The following MYLK variants were observed in gnomAD, a reference collection of about 807,000 sequenced individuals.
The protein encoded by MYLK is myosin light chain kinase, also known as myosin light chain kinase, smooth muscle.
A neutral mutation model predicts 203.4 loss-of-function variants in MYLK; 106 were observed. The ratio of observed to expected loss-of-function variants is 0.52; its 90% CI spans 0.45 to 0.61. The LOEUF (loss-of-function observed/expected upper bound fraction) is 0.61, where lower values mean the gene tolerates loss of function less well. MYLK is among the 20% of genes least tolerant of loss of function. The pLI is 0.00. For missense variants in MYLK, 2,072 were observed against 2,442.3 expected (o/e 0.85, Z 3.20); for synonymous variants, 867 against 959.5 (o/e 0.90, Z 1.78).
chr3:123,673,548 C>A (rs575436062), intron 20 of MYLK, among the ~76,000 whole-genome samples: 1 of 152,108 alleles, frequency 6.6e-6, no homozygotes, highest in Admixed American at 6.5e-5. Flanking sequence ...GTCAGTTCAG[C>A]CTTACACTAA....
intron 12 of MYLK, among the ~76,000 whole-genome samples, chr3:123,724,897 C>A (rs1032196256): frequency 1.3e-5 from 2 of 152,034 alleles, no homozygotes; most frequent in Non-Finnish European, 2.9e-5. Context: ...GCACCTGGCA[C>A]CATGTTCGGC....
At chr3:123,701,606 G>C (rs1274612288) in intron 16 of MYLK, 97 bp from the exon 17 acceptor site, 1 of 1,278,736 alleles carries the variant, frequency 7.8e-7, no homozygotes, top group African/African-American at 1.5e-5. Context: ...CAGCGGGGAA[G>C]ATGGAAGTCG....
At chr3:123,818,789 C>T (rs1258636141) in intron 3 of MYLK, among the ~76,000 whole-genome samples, 1 of 152,226 alleles carries the variant, frequency 6.6e-6, no homozygotes, top group Admixed American at 6.5e-5. Flanking sequence ...GTTTCCTCAG[C>T]AGCACCTGAT....
chr3:123,626,999 G>A (rs2058179770), intron 30 of MYLK, 58 bp from the exon 31 acceptor site: 4 of 1,608,798 alleles, frequency 2.5e-6, no homozygotes, highest in East Asian at 4.5e-5. Context: ...GAGACCACTG[G>A]TTAGTTCAGA....
intron 16 of MYLK, among the ~76,000 whole-genome samples, chr3:123,704,175 C>T (rs751517549): frequency 1.3e-5 from 2 of 152,224 alleles, no homozygotes; most frequent in East Asian, 1.9e-4. Context: ...CAAAGGCTGA[C>T]GCATTAAGTG....
chr3:123,841,911 C>A (rs1387795830), intron 2 of MYLK, among the ~76,000 whole-genome samples: 1 of 152,102 alleles, frequency 6.6e-6, no homozygotes, highest in South Asian at 2.1e-4. Context: ...AGAGAACTAA[C>A]ATTTATTAGG....
intron 21 of MYLK, 144 bp from the exon 22 acceptor site, chr3:123,666,490 G>T: frequency 8.6e-7 from 1 of 1,160,400 alleles, no homozygotes; most frequent in Non-Finnish European, 1.2e-6. Flanking sequence ...CAGTGATCCT[G>T]CTGCAGGACA....
chr3:123,814,573 TTAAAAA>T (rs1553855559), intron 3 of MYLK, among the ~76,000 whole-genome samples: 1 of 152,236 alleles, frequency 6.6e-6, no homozygotes, highest in Non-Finnish European at 1.5e-5. Context: ...GTATGTACTT[TTAAAAA>T]TAAAATTATA....
intron 3 of MYLK, chr3:123,831,258 A>G: frequency 1.4e-6 from 1 of 709,734 alleles, no homozygotes; most frequent in Non-Finnish European, 2.0e-6. Flanking sequence ...AGCAGCAGCC[A>G]GGGCAACCCG....
intron 22 of MYLK, 106 bp from the exon 23 acceptor site, chr3:123,664,364 G>A (rs2108325948): frequency 6.7e-7 from 1 of 1,497,996 alleles, no homozygotes; most frequent in Non-Finnish European, 9.3e-7. Flanking sequence ...AGCTGGACAA[G>A]CTGTGGGGGG....
At chr3:123,834,194 C>T (rs1404828777) in intron 2 of MYLK, among the ~76,000 whole-genome samples, 8 of 152,038 alleles carry the variant, frequency 5.3e-5, no homozygotes, top group Admixed American at 3.3e-4. Flanking sequence ...TACAGGTGCA[C>T]GCCACCATGT....
rs2059188389 is a variant in MYLK, at chr3:123,650,853, G to C, written c.4289-1659C>G. Among the ~76,000 whole-genome samples, 4 of 152,188 alleles carry C rather than the reference G, an allele frequency of 2.6e-5. No homozygotes were observed. In the South Asian group the frequency reaches 8.3e-4, roughly 31 times the overall value. On this transcript the variant is annotated intron_variant, in intron 24 of 33. Coordinates refer to ENST00000360304, the MANE Select transcript of MYLK (RefSeq NM_053025.4). ...AGAATCTGATCATTCTACCTTTTAG[G>C]GTGGTGAACCCTAAAGTCCATAGTT...
At chr3:123,867,415 AGTATCCAAAAAAAAAAAAAAAAAAAC>A (rs1431484007) in intron 2 of MYLK, among the ~76,000 whole-genome samples, 9 of 146,608 alleles carry the variant, frequency 6.1e-5, no homozygotes, top group Non-Finnish European at 1.3e-4. Flanking sequence ...TCCAATGACT[AGTATCCAAAAAAAAAAAAAAAAAAAC>A]CAGGAGGAAA....
At chr3:123,760,383 G>A (rs189090815) in intron 4 of MYLK, among the ~76,000 whole-genome samples, 1,904 of 152,244 alleles carry the variant, frequency 0.013, 21 homozygotes, top group Non-Finnish European at 0.022. Flanking sequence ...TCTCCATGTT[G>A]GTCAGGCTGG....
At chr3:123,777,404 T>C (rs1400620851) in intron 4 of MYLK, among the ~76,000 whole-genome samples, 1 of 152,250 alleles carries the variant, frequency 6.6e-6, no homozygotes, top group Non-Finnish European at 1.5e-5. Flanking sequence ...TTTTTGATCA[T>C]TTGAGCTCTG....
chr3:123,668,209 T>C (rs559708072), intron 20 of MYLK, among the ~76,000 whole-genome samples: 3 of 152,276 alleles, frequency 2.0e-5, no homozygotes, highest in Admixed American at 1.3e-4. Flanking sequence ...CCAAATAAAA[T>C]GAAAACCTAC....
At chr3:123,844,668 C>T (rs2066668635) in intron 2 of MYLK, among the ~76,000 whole-genome samples, 2 of 152,110 alleles carry the variant, frequency 1.3e-5, no homozygotes, top group Admixed American at 6.6e-5. Context: ...GTTCTGTCTG[C>T]ACCCAGCCCA....
chr3:123,805,379 AG>A (rs1157521087), intron 3 of MYLK, among the ~76,000 whole-genome samples: 1 of 152,206 alleles, frequency 6.6e-6, no homozygotes, highest in Non-Finnish European at 1.5e-5. Flanking sequence ...TGACAGGAGA[AG>A]GCAGGTGCAC....
chr3:123,665,092 C>T (rs1300142728), intron 22 of MYLK, among the ~76,000 whole-genome samples: 1 of 152,190 alleles, frequency 6.6e-6, no homozygotes, highest in Non-Finnish European at 1.5e-5. Context: ...CTGAAGTGTA[C>T]ACTTCAAGAG....
Sources: allele counts gnomAD v4.1 joint callset (sites outside exome capture counted in the v4.1 genomes callset), GRCh38; gene constraint gnomAD v4.1.1; transcripts MANE v1.5; gene names NCBI Gene and HGNC (gene_info 2026-07-23, HGNC 2026-07-21).